SYT1: variants seen among roughly 807,000 people sequenced by gnomAD.
The protein encoded by SYT1 is synaptotagmin-1.
A neutral mutation model predicts 44.8 loss-of-function variants in SYT1; 8 were observed. The observed-to-expected ratio is 0.18, with a 90% CI of 0.10 to 0.32. The LOEUF is 0.32. Among genes scored for constraint, SYT1 ranks in the 10% least tolerant of loss-of-function variants. The pLI is 1.00. For synonymous variants in SYT1, 154 were observed against 188.8 expected, an observed-to-expected ratio of 0.82 and a Z score of 1.51; for missense variants, 286 against 509.3, an observed-to-expected ratio of 0.56 and a Z score of 4.22.
intron 3 of SYT1, among the ~76,000 whole-genome samples, chr12:79,187,368 C>T (rs963543532): frequency 2.0e-5 from 3 of 152,074 alleles, no homozygotes; most frequent in African/African-American, 7.2e-5. Flanking sequence ...CCACAGGTAT[C>T]GTCCAGAAAG....
intron 3 of SYT1, among the ~76,000 whole-genome samples, chr12:79,159,136 A>G (rs1870789452): frequency 6.6e-6 from 1 of 152,202 alleles, no homozygotes; most frequent in African/African-American, 2.4e-5. Context: ...CCTGCAAACA[A>G]TAGAGAGACA....
chr12:79,326,116 T>C (rs1352617115), intron 8 of SYT1, among the ~76,000 whole-genome samples: 1 of 152,194 alleles, frequency 6.6e-6, no homozygotes, highest in Non-Finnish European at 1.5e-5. Flanking sequence ...AGGACGACTG[T>C]GAATTTTAGC....
At chr12:78,918,366 A>G (rs1010187312) in intron 1 of SYT1, among the ~76,000 whole-genome samples, 1 of 152,040 alleles carries the variant, frequency 6.6e-6, no homozygotes, top group Non-Finnish European at 1.5e-5. Flanking sequence ...TAAAACTGCC[A>G]GCATCAGTTC....
At chr12:79,413,815 C>A (rs142722152) in intron 9 of SYT1, among the ~76,000 whole-genome samples, 438 of 152,202 alleles carry the variant, frequency 2.9e-3, no homozygotes, top group African/African-American at 9.0e-3. Context: ...CAGGTAATTG[C>A]ATGCCTAAAT....
At chr12:79,047,563 G>A (rs10778393) in intron 3 of SYT1, among the ~76,000 whole-genome samples, 10 of 151,674 alleles carry the variant, frequency 6.6e-5, no homozygotes, top group Admixed American at 2.6e-4. Context: ...CAAAGTACTC[G>A]TTGTGATACA....
intron 1 of SYT1, among the ~76,000 whole-genome samples, chr12:78,922,406 A>G (rs559767927): frequency 6.6e-5 from 10 of 151,822 alleles, no homozygotes; most frequent in Non-Finnish European, 1.5e-4. Flanking sequence ...AATTTATCAT[A>G]TAAAATGTTG....
chr12:79,036,095 T>C (rs1211423656), intron 2 of SYT1, among the ~76,000 whole-genome samples: 1 of 151,770 alleles, frequency 6.6e-6, no homozygotes, highest in African/African-American at 2.4e-5. Context: ...TCTCCATTCA[T>C]TGATGAGAGT....
rs554534654 is a variant in SYT1 at position 79,066,333 on chromosome 12, C to A, written c.-18+18971C>A. Among the ~76,000 whole-genome samples the A allele has an allele frequency of 4.6e-5, 7 of 152,232 alleles. No homozygotes were observed. The South Asian group carries it at 1.4e-3, about 32-fold the overall frequency. ...GTGGGGGCTCACAGCTGCCTATGAA[C>A]TGGACATATAAGCAAACCTATAAAC... On this transcript the variant is annotated intron_variant, in intron 3 of 10. Coordinates refer to ENST00000261205, the MANE Select transcript of SYT1 (RefSeq NM_005639.3).
chr12:79,442,895 A>C (rs548748743), intron 9 of SYT1, among the ~76,000 whole-genome samples: 1 of 151,764 alleles, frequency 6.6e-6, no homozygotes, highest in Non-Finnish European at 1.5e-5. Flanking sequence ...CTAGATTTAA[A>C]TTTTTTTTTC....
intron 8 of SYT1, among the ~76,000 whole-genome samples, chr12:79,304,413 T>G (rs1049207312): frequency 6.6e-6 from 1 of 152,194 alleles, no homozygotes; most frequent in Non-Finnish European, 1.5e-5. Flanking sequence ...TCTGGGTTTT[T>G]TTGGTATGTT....
rs1423210483 is a variant in SYT1 at position 79,156,454 on chromosome 12, T to C, written c.-17-61049T>C. 5.9e-5 allele frequency among the ~76,000 whole-genome samples: 9 copies of C among 152,028 alleles called. No individual in the cohort carries two copies. The East Asian group carries it at 7.8e-4, about 13-fold the overall frequency. ...GTGGTTGTTGCTGCTGTTGTTGTTG[T>C]TGTTGTTGTTGTTGTTCTTGTTGTT... On this transcript the variant is annotated intron_variant, in intron 3 of 10. Coordinates refer to ENST00000261205, the MANE Select transcript of SYT1 (RefSeq NM_005639.3).
chr12:79,378,493 G>A (rs184789490), intron 9 of SYT1, among the ~76,000 whole-genome samples: 1 of 152,284 alleles, frequency 6.6e-6, no homozygotes, highest in East Asian at 1.9e-4. Flanking sequence ...AAAGAAAATC[G>A]CTTTTAAAGA....
intron 3 of SYT1, among the ~76,000 whole-genome samples, chr12:79,110,939 T>A (rs1878978199): frequency 6.6e-6 from 1 of 152,174 alleles, no homozygotes; most frequent in African/African-American, 2.4e-5. Flanking sequence ...CCCAAGGACA[T>A]GCCACAAAAA....
intron 3 of SYT1, 76 bp from the exon 4 acceptor site, chr12:79,217,427 A>G (rs542942021): frequency 5.3e-6 from 7 of 1,311,950 alleles, no homozygotes; most frequent in East Asian, 2.7e-5. Flanking sequence ...ATGTTGTTTC[A>G]TCTCTGGGAT....
At chr12:79,109,598 C>T (rs894598312) in intron 3 of SYT1, among the ~76,000 whole-genome samples, 9 of 152,136 alleles carry the variant, frequency 5.9e-5, no homozygotes, top group Admixed American at 1.3e-4. Context: ...TATATGTGAA[C>T]GCACCCTGAA....
chr12:79,302,793 C>T (rs1211981376), intron 8 of SYT1, among the ~76,000 whole-genome samples: 2 of 152,188 alleles, frequency 1.3e-5, no homozygotes, highest in East Asian at 3.8e-4. Flanking sequence ...TCTTCCTCCA[C>T]TTCCCCACCT....
chr12:79,218,347 T>C (rs1874941593), intron 4 of SYT1, among the ~76,000 whole-genome samples: 1 of 152,198 alleles, frequency 6.6e-6, no homozygotes, highest in Non-Finnish European at 1.5e-5. Flanking sequence ...TAAAGTGTTC[T>C]CACCACAAAA....
intron 2 of SYT1, among the ~76,000 whole-genome samples, chr12:79,005,545 A>C (rs2137547351): frequency 6.6e-6 from 1 of 152,196 alleles, no homozygotes; most frequent in East Asian, 1.9e-4. Flanking sequence ...TAAAACACTT[A>C]ATGGGATATC....
At chr12:79,218,765 G>A (rs1918199) in intron 4 of SYT1, among the ~76,000 whole-genome samples, 105,505 of 152,082 alleles carry the variant, frequency 0.69, 36,992 homozygotes, top group African/African-American at 0.73. Context: ...TTCATCCACT[G>A]ATAAGACACT....
Sources: gnomAD v4.1 joint callset for allele counts (sites outside exome capture counted in the v4.1 genomes callset) on GRCh38, gnomAD v4.1.1 for gene constraint, MANE v1.5 for transcripts, NCBI Gene and HGNC (gene_info 2026-07-23, HGNC 2026-07-21) for gene names.